The following DLC1 variants were observed in gnomAD, a reference collection of about 807,000 sequenced individuals.
DLC1 encodes DLC1 Rho GTPase activating protein.
In DLC1, 54 loss-of-function variants were observed where a neutral mutation model predicts 140.3. The observed-to-expected ratio is 0.38, with a 90% CI of 0.31 to 0.48. The LOEUF (loss-of-function observed/expected upper bound fraction) is 0.48. DLC1 is among the 20% of genes least tolerant of loss of function. The pLI is 0.96. For missense variants in DLC1, 2,536 were observed against 1,907.0 expected, an observed-to-expected ratio of 1.33 and a Z score of -6.14; for synonymous variants, 986 against 728.1, an observed-to-expected ratio of 1.35 and a Z score of -5.70.
intron 2 of DLC1, among the ~76,000 whole-genome samples, chr8:13,430,287 A>G (rs1016435872): frequency 6.6e-6 from 1 of 152,214 alleles, no homozygotes; most frequent in East Asian, 1.9e-4. Context: ...TGATTGTGCC[A>G]TTAGTGGCCT....
At chr8:13,471,236 G>C (rs1470422303) in intron 2 of DLC1, among the ~76,000 whole-genome samples, 2 of 151,620 alleles carry the variant, frequency 1.3e-5, no homozygotes, top group African/African-American at 2.4e-5. Context: ...ACGTACAGCC[G>C]TGTGAAAATA....
intron 1 of DLC1, among the ~76,000 whole-genome samples, chr8:13,535,307 C>T (rs1223650623): frequency 2.6e-5 from 4 of 151,918 alleles, no homozygotes; most frequent in Non-Finnish European, 4.4e-5. Context: ...GAGAAAGCAA[C>T]ATTTGAATGT....
chr8:13,312,772 T>C (rs184748755), intron 4 of DLC1, among the ~76,000 whole-genome samples: 81 of 152,316 alleles, frequency 5.3e-4, no homozygotes, highest in Admixed American at 5.2e-3. Flanking sequence ...TATGATGATT[T>C]GCCTGTGGTA....
At chr8:13,422,920 G>A (rs1030836988) in intron 2 of DLC1, among the ~76,000 whole-genome samples, 7 of 152,254 alleles carry the variant, frequency 4.6e-5, no homozygotes, top group African/African-American at 1.7e-4. Flanking sequence ...ATTACATTGA[G>A]CCTTGAATTT....
At chr8:13,535,129 T>C (rs1313359383) in intron 1 of DLC1, among the ~76,000 whole-genome samples, 1 of 152,196 alleles carries the variant, frequency 6.6e-6, no homozygotes, top group Non-Finnish European at 1.5e-5. Context: ...ATCTTTATTG[T>C]ATTAAATTAA....
intron 2 of DLC1, among the ~76,000 whole-genome samples, chr8:13,403,544 T>C (rs1264557543): frequency 6.6e-6 from 1 of 152,210 alleles, no homozygotes; most frequent in Admixed American, 6.5e-5. Context: ...TAAGTTTCAT[T>C]CTTTGTGTAA....
chr8:13,398,605 C>A (rs1193017864), intron 3 of DLC1, among the ~76,000 whole-genome samples: 44 of 113,062 alleles, frequency 3.9e-4, no homozygotes, highest in Middle Eastern at 6.1e-3. Context: ...CCATCTCTAC[C>A]AAAAAAAAAA....
chr8:13,423,752 G>T (rs1407001942), intron 2 of DLC1, among the ~76,000 whole-genome samples: 2 of 152,124 alleles, frequency 1.3e-5, no homozygotes, highest in South Asian at 2.1e-4. Flanking sequence ...ACATGAGAAA[G>T]TATAGATCTT....
intron 2 of DLC1, among the ~76,000 whole-genome samples, chr8:13,432,168 C>A: frequency 6.6e-6 from 1 of 152,140 alleles, no homozygotes; most frequent in East Asian, 1.9e-4. Context: ...TATCTATTTT[C>A]ACACAAAGTA....
At chr8:13,534,986 C>T (rs774002832) in intron 1 of DLC1, among the ~76,000 whole-genome samples, 1 of 152,060 alleles carries the variant, frequency 6.6e-6, no homozygotes, top group Non-Finnish European at 1.5e-5. Flanking sequence ...ATAGGAGAAT[C>T]CTTATCTCTC....
chr8:13,145,452 C>G (rs1292668021), intron 5 of DLC1, among the ~76,000 whole-genome samples: 1 of 152,096 alleles, frequency 6.6e-6, no homozygotes, highest in Non-Finnish European at 1.5e-5. Flanking sequence ...GTTACTACAA[C>G]TTCTTAAGAA....
chr8:13,289,826 A>C (rs912047907), intron 5 of DLC1, among the ~76,000 whole-genome samples: 2 of 152,272 alleles, frequency 1.3e-5, no homozygotes, highest in East Asian at 1.9e-4. Flanking sequence ...GTACAGCCCC[A>C]TTCTCTTTTT....
At chr8:13,240,143 C>T (rs1285835103) in intron 5 of DLC1, among the ~76,000 whole-genome samples, 1 of 152,056 alleles carries the variant, frequency 6.6e-6, no homozygotes, top group Non-Finnish European at 1.5e-5. Context: ...GAAGTTACAC[C>T]TCAAGTAGAT....
At position 13,086,337 on chromosome 8, in the gene DLC1, A is replaced by G; in HGVS notation, c.4419T>C (p.Cys1473=). ...VLLSRYLIEP[C]GPGKSKLTYM... Reference sequence around the variant, plus strand: ...AGGTGAGTTTGGATTTTCCTGGCCCACAGGGTTCAATCAAATACCTGGACA... The same window carrying G: ...AGGTGAGTTTGGATTTTCCTGGCCCGCAGGGTTCAATCAAATACCTGGACA... The change falls in exon 17 of 18, where the codon TGT becomes TGC. Residue 1473 remains cysteine (C), a synonymous_variant. Coordinates refer to ENST00000276297, the MANE Select transcript of DLC1 (RefSeq NM_182643.3). The G allele has an allele frequency of 6.2e-7, 1 of 1,614,228 alleles. No homozygotes were observed. The highest frequency in any genetic ancestry group is 8.5e-7 in the Non-Finnish European group (1 of 1,180,032).
chr8:13,336,149 A>G (rs1833803588), intron 4 of DLC1, among the ~76,000 whole-genome samples: 1 of 152,150 alleles, frequency 6.6e-6, no homozygotes. Context: ...ATCTTCCAAT[A>G]TGAGCTGAAG....
chr8:13,105,496 T>A (rs77697320), intron 7 of DLC1, among the ~76,000 whole-genome samples: 3,088 of 152,160 alleles, frequency 0.02, 89 homozygotes, highest in African/African-American at 0.065. Flanking sequence ...GATGAGGAAA[T>A]GGGGCTCAGG....
chr8:13,601,964 T>C (rs1805901385), intron 1 of DLC1, among the ~76,000 whole-genome samples: 1 of 151,840 alleles, frequency 6.6e-6, no homozygotes, highest in Admixed American at 6.6e-5. Context: ...AATTAAAATA[T>C]ATGGCATTGA....
chr8:13,221,304 C>T (rs894481584), intron 5 of DLC1, among the ~76,000 whole-genome samples: 20 of 152,164 alleles, frequency 1.3e-4, no homozygotes, highest in Admixed American at 2.0e-4. Flanking sequence ...TGGCTGACAA[C>T]CAGGATCCCT....
At chr8:13,579,617 A>G (rs113293318) in intron 1 of DLC1, among the ~76,000 whole-genome samples, 4 of 135,252 alleles carry the variant, frequency 3.0e-5, no homozygotes, top group Non-Finnish European at 6.1e-5. Flanking sequence ...TATATTTTAT[A>G]TTATATATTT....
Sources: gnomAD v4.1 joint callset for allele counts (sites outside exome capture counted in the v4.1 genomes callset) on GRCh38, gnomAD v4.1.1 for gene constraint, MANE v1.5 for transcripts, NCBI Gene and HGNC (gene_info 2026-07-23, HGNC 2026-07-21) for gene names.